Variants in ARHGEF3 observed in about 807,000 individuals in gnomAD.
ARHGEF3 encodes the protein Rho guanine nucleotide exchange factor 3, also known as 59.8 kDA protein.
ARHGEF3 carries 28 observed loss-of-function variants against 63.2 expected under a neutral mutation model. The ratio of observed to expected loss-of-function variants is 0.44; its 90% CI spans 0.33 to 0.61. ARHGEF3 has a LOEUF of 0.61. ARHGEF3 is among the 20% of genes least tolerant of loss of function. The probability of loss-of-function intolerance (pLI) is 0.03; values close to 1 mark genes in which losing one functional copy is unlikely to be tolerated. For missense variants in ARHGEF3, 533 were observed against 659.3 expected (o/e 0.81, Z 2.10); for synonymous variants, 266 against 254.2 (o/e 1.05, Z -0.44).
chr3:56,917,537 G>T (rs576818029), intron 3 of ARHGEF3, among the ~76,000 whole-genome samples: 1 of 152,296 alleles, frequency 6.6e-6, no homozygotes, highest in Admixed American at 6.5e-5. Context: ...TTAAATCCAA[G>T]ACTTTTATGA....
chr3:56,919,241 C>A (rs1017273395), intron 3 of ARHGEF3, among the ~76,000 whole-genome samples: 1 of 152,190 alleles, frequency 6.6e-6, no homozygotes, highest in African/African-American at 2.4e-5. Flanking sequence ...GGCAACTATT[C>A]ATCACCATAA....
chr3:57,074,316 G>A (rs766099437), intron 1 of ARHGEF3: 6 of 1,539,212 alleles, frequency 3.9e-6, no homozygotes, highest in South Asian at 2.4e-5. Context: ...GTTTGTCTGG[G>A]CCTTTGCACA....
chr3:56,775,551 A>G (rs891979258), intron 1 of ARHGEF3: 6 of 986,256 alleles, frequency 6.1e-6, no homozygotes, highest in Non-Finnish European at 7.2e-6. Context: ...CTCTCAGAAC[A>G]CTAGGAAGGC....
At chr3:57,073,522 T>C in intron 1 of ARHGEF3, 1 of 1,052,694 alleles carries the variant, frequency 9.5e-7, no homozygotes, top group East Asian at 2.6e-5. Flanking sequence ...GACTGTGGGG[T>C]TTGGCTCTGT....
intron 3 of ARHGEF3, among the ~76,000 whole-genome samples, chr3:56,924,475 G>A (rs955372182): frequency 6.6e-6 from 1 of 152,178 alleles, no homozygotes; most frequent in Admixed American, 6.5e-5. Context: ...GGCAAGTCCA[G>A]AGAGTAAAGT....
intron 4 of ARHGEF3, among the ~76,000 whole-genome samples, chr3:56,875,165 A>G (rs6445833): frequency 0.58 from 88,234 of 151,910 alleles, 25,701 homozygotes; most frequent in African/African-American, 0.6. Context: ...TGAGGATTAA[A>G]TAATAAAATG....
intron 4 of ARHGEF3, among the ~76,000 whole-genome samples, chr3:56,866,288 A>G (rs1011952651): frequency 2.6e-5 from 4 of 152,210 alleles, no homozygotes; most frequent in Non-Finnish European, 5.9e-5. Flanking sequence ...CTGTCTTGGA[A>G]GCTTATAATC....
chr3:57,048,754 G>A (rs1156778767), intron 1 of ARHGEF3, among the ~76,000 whole-genome samples: 4 of 152,126 alleles, frequency 2.6e-5, no homozygotes, highest in Non-Finnish European at 5.9e-5. Context: ...AATTACTGGT[G>A]GCAGCAGAGA....
chr3:57,008,482 C>CT (rs5849184), intron 2 of ARHGEF3, among the ~76,000 whole-genome samples: 32,529 of 146,424 alleles, frequency 0.22, 3,872 homozygotes, highest in Middle Eastern at 0.31. Flanking sequence ...ACGGACAAGC[C>CT]TTTTTTTTTT....
At chr3:56,871,990 TTTATTC>T (rs1471052843) in intron 4 of ARHGEF3, among the ~76,000 whole-genome samples, 5 of 152,236 alleles carry the variant, frequency 3.3e-5, no homozygotes, top group African/African-American at 1.2e-4. Context: ...CAAAATATCA[TTTATTC>T]TTATTCTTAT....
At chr3:56,772,739 A>G (rs562941658) in intron 2 of ARHGEF3, among the ~76,000 whole-genome samples, 3 of 152,350 alleles carry the variant, frequency 2.0e-5, no homozygotes, top group Non-Finnish European at 4.4e-5. Context: ...ACGAATTTGA[A>G]GATTAATGAT....
At chr3:56,781,717 C>T (rs1022106656) in intron 1 of ARHGEF3, among the ~76,000 whole-genome samples, 3 of 152,232 alleles carry the variant, frequency 2.0e-5, no homozygotes, top group Non-Finnish European at 4.4e-5. Context: ...TTGTAACTAA[C>T]ACATAGTTTG....
At chr3:56,919,634 T>C (rs2042074160) in intron 3 of ARHGEF3, among the ~76,000 whole-genome samples, 1 of 152,364 alleles carries the variant, frequency 6.6e-6, no homozygotes, top group South Asian at 2.1e-4. Flanking sequence ...TAACTCATGA[T>C]GAAAGTGCAC....
chr3:56,888,600 C>T (rs2041002660), intron 3 of ARHGEF3, among the ~76,000 whole-genome samples: 1 of 152,098 alleles, frequency 6.6e-6, no homozygotes, highest in South Asian at 2.1e-4. Flanking sequence ...CCTACCACTG[C>T]TTCTTAAAAA....
intron 1 of ARHGEF3, among the ~76,000 whole-genome samples, chr3:57,049,291 C>T (rs116620012): frequency 0.012 from 1,786 of 152,282 alleles, 34 homozygotes; most frequent in African/African-American, 0.04. Context: ...ACTGCTTGAA[C>T]CCAGGAGTCC....
At chr3:56,817,234 G>A (rs1179098872) in intron 4 of ARHGEF3, among the ~76,000 whole-genome samples, 1 of 152,178 alleles carries the variant, frequency 6.6e-6, no homozygotes, top group Non-Finnish European at 1.5e-5. Flanking sequence ...GTGAAGATTA[G>A]AGAGAAACCT....
chr3:56,819,874 G>A (rs62249772), intron 4 of ARHGEF3, among the ~76,000 whole-genome samples: 15,658 of 146,296 alleles, frequency 0.11, 946 homozygotes, highest in Admixed American at 0.22. Context: ...CAGTGGCACA[G>A]TTGTGGCTCA....
intron 4 of ARHGEF3, among the ~76,000 whole-genome samples, chr3:56,880,354 C>T (rs886532096): frequency 6.6e-6 from 1 of 152,122 alleles, no homozygotes; most frequent in African/African-American, 2.4e-5. Context: ...GAAAAGAAGC[C>T]AAATTATCCA....
At chr3:56,894,713 C>A (rs192638423) in intron 3 of ARHGEF3, among the ~76,000 whole-genome samples, 3 of 152,206 alleles carry the variant, frequency 2.0e-5, no homozygotes, top group African/African-American at 7.2e-5. Flanking sequence ...TCACATATAG[C>A]AGTAGTTGAA....
Sources: gnomAD v4.1 joint callset for allele counts (sites outside exome capture counted in the v4.1 genomes callset) on GRCh38, gnomAD v4.1.1 for gene constraint, MANE v1.5 for transcripts, NCBI Gene and HGNC (gene_info 2026-07-23, HGNC 2026-07-21) for gene names.